The following ATP6V0D2 variants were observed in gnomAD, a reference collection of about 807,000 sequenced individuals.
ATP6V0D2 encodes the protein V-type proton ATPase subunit d 2.
ATP6V0D2 carries 40 observed loss-of-function variants against 40.0 expected under a neutral mutation model. That is an observed-to-expected ratio of 1.00 (90% CI 0.78 to 1.30). ATP6V0D2 has a LOEUF of 1.30. ATP6V0D2 is among the 50% of genes most tolerant of loss of function. ATP6V0D2 has a pLI of 0.00. For missense variants in ATP6V0D2, 470 were observed against 423.1 expected (o/e 1.11, Z -0.97); for synonymous variants, 179 against 156.3 (o/e 1.15, Z -1.08).
intron 2 of ATP6V0D2, among the ~76,000 whole-genome samples, chr8:86,125,636 T>C (rs1818730575): frequency 6.6e-6 from 1 of 152,160 alleles, no homozygotes; most frequent in Non-Finnish European, 1.5e-5. Flanking sequence ...GAGTAAAGAC[T>C]ATACTTCAGA....
In ATP6V0D2 at chr8:86,126,764, G is replaced by C. The variant is rs191396200; in HGVS notation, c.303-12693G>C. On this transcript the variant is annotated intron_variant, in intron 2 of 7. Coordinates refer to ENST00000285393, the MANE Select transcript of ATP6V0D2 (RefSeq NM_152565.1). ...GAATATGGCCTTAAAGGATTGGTAAGGAAGGGAAATTTTATACCTCTGGAG... is the reference window on the plus strand; with the variant it reads ...GAATATGGCCTTAAAGGATTGGTAACGAAGGGAAATTTTATACCTCTGGAG... 3.4e-4 allele frequency among the ~76,000 whole-genome samples: 52 copies of C among 152,212 alleles called. 1 individual carries two copies. Among genetic ancestry groups the C allele is most frequent in the Admixed American group, 2.6e-4 (4 of 15,284 alleles).
At chr8:86,128,106 T>C (rs1818770676) in intron 2 of ATP6V0D2, among the ~76,000 whole-genome samples, 1 of 152,162 alleles carries the variant, frequency 6.6e-6, no homozygotes, top group Admixed American at 6.5e-5. Context: ...CAGTGGCTCA[T>C]GCCTGTAATC....
chr8:86,125,365 T>A (rs754038033), intron 2 of ATP6V0D2, among the ~76,000 whole-genome samples: 5 of 152,182 alleles, frequency 3.3e-5, no homozygotes, highest in African/African-American at 9.6e-5. Context: ...GACTGTCCCA[T>A]AACCTTCATT....
chr8:86,114,260 T>A (rs550585602), intron 2 of ATP6V0D2, among the ~76,000 whole-genome samples: 1 of 152,354 alleles, frequency 6.6e-6, no homozygotes, highest in African/African-American at 2.4e-5. Context: ...TAAGGTCACA[T>A]AAACCACTCC....
intron 5 of ATP6V0D2, among the ~76,000 whole-genome samples, chr8:86,146,810 C>T (rs557816355): frequency 2.0e-5 from 3 of 152,138 alleles, no homozygotes. Context: ...GTCAGCTTTA[C>T]ATAAATACTT....
rs1205956340 is a variant in ATP6V0D2 at position 86,113,882 on chromosome 8, T to G, written c.302+2T>G. Reference sequence around the variant, plus strand: ...CAGCACATTTCTCACCTATATGACGTAAGTGATGACAGAAAGCCCTAATAA... The same window carrying G: ...CAGCACATTTCTCACCTATATGACGGAAGTGATGACAGAAAGCCCTAATAA... On this transcript the variant is annotated splice_donor_variant, in intron 2 of 7. Transcript: ENST00000285393. LOFTEE classifies it high-confidence loss of function. The G allele has an allele frequency of 1.9e-6, 3 of 1,607,566 alleles. No individual in the cohort carries two copies. The highest frequency in any genetic ancestry group is 2.5e-6 in the Non-Finnish European group (3 of 1,176,926).
At chr8:86,123,401 C>T (rs1224352368) in intron 2 of ATP6V0D2, among the ~76,000 whole-genome samples, 5 of 152,070 alleles carry the variant, frequency 3.3e-5, no homozygotes, top group African/African-American at 7.2e-5. Flanking sequence ...ACTCCTGCTT[C>T]GCAAAGTGAG....
Position 86,139,578 on chromosome 8 carries a change from A to G in ATP6V0D2, c.424A>G (p.Asn142Asp), listed in dbSNP as rs753114177. Residue 142 changes from asparagine (N) to aspartate (D), a missense_variant, in exon 3 of 8, where the codon AAC (asparagine) becomes GAC (aspartate). Asn to Asp is a conservative substitution (Grantham distance 23, BLOSUM62 1). Coordinates refer to ENST00000285393, the MANE Select transcript of ATP6V0D2 (RefSeq NM_152565.1). ...CCGTTTCACAGAAATGGAAGCTGTC[A>G]ACATTGCAGAGACACCTTCAGATCT... Reference protein sequence around the residue: ...LGRFTEMEAVNIAETPSDLFN... With the variant: ...LGRFTEMEAVDIAETPSDLFN... The G allele has an allele frequency of 6.2e-7, 1 of 1,613,670 alleles. No homozygotes were observed. The highest frequency in any genetic ancestry group is 1.7e-5 in the Admixed American group (1 of 59,884).
intron 2 of ATP6V0D2, among the ~76,000 whole-genome samples, chr8:86,132,893 G>A (rs927274774): frequency 4.6e-5 from 7 of 151,982 alleles, no homozygotes; most frequent in African/African-American, 1.5e-4. Flanking sequence ...GTTTTTTGAG[G>A]TATCTTCCTA....
intron 2 of ATP6V0D2, among the ~76,000 whole-genome samples, chr8:86,118,085 C>CTTT (rs1222811419): frequency 7.6e-4 from 21 of 27,602 alleles, no homozygotes; most frequent in Non-Finnish European, 8.7e-4. Context: ...TTCTTTCTTT[C>CTTT]TTTTTTTTTT....
intron 2 of ATP6V0D2, among the ~76,000 whole-genome samples, chr8:86,117,961 A>G (rs185735079): frequency 6.6e-6 from 1 of 151,596 alleles, no homozygotes; most frequent in Non-Finnish European, 1.5e-5. Context: ...AAGGAAGTTG[A>G]GCCTTATCAC....
intron 2 of ATP6V0D2, among the ~76,000 whole-genome samples, chr8:86,122,303 C>A (rs1168565917): frequency 6.6e-6 from 1 of 152,114 alleles, no homozygotes; most frequent in Non-Finnish European, 1.5e-5. Flanking sequence ...AGGTTAAAGT[C>A]CTAATTCTCA....
In ATP6V0D2 at chr8:86,152,972, T is replaced by G; in HGVS notation, c.1048T>G (p.Leu350Val). 6.3e-7 allele frequency: 1 copy of G among 1,598,628 alleles called. No individual in the cohort carries two copies. Among genetic ancestry groups the G allele is most frequent in the Non-Finnish European group, 8.5e-7 (1 of 1,174,810 alleles). ...TAAAATCAACAGTTACATTCCAATT[T>G]TATAACCCAAGTAAGGTTCTCAAAT... The part of the protein sequence containing the change: ...RTKINSYIPI[L>V] The change falls in exon 8 of 8, where the codon TTA (leucine) becomes GTA (valine). Residue 350 changes from leucine (L) to valine (V), a missense_variant. By Grantham distance (32) the Leu-to-Val change is conservative. Coordinates refer to ENST00000285393, the MANE Select transcript of ATP6V0D2 (RefSeq NM_152565.1).
At chr8:86,125,620 T>C (rs1818730354) in intron 2 of ATP6V0D2, among the ~76,000 whole-genome samples, 5 of 152,134 alleles carry the variant, frequency 3.3e-5, no homozygotes, top group African/African-American at 1.2e-4. Context: ...AATAAGACGA[T>C]GGATTGAGTA....
At position 86,139,577 on chromosome 8, in the gene ATP6V0D2, C is replaced by T. The variant is rs1366497123; in HGVS notation, c.423C>T (p.Val141=). The T allele has an allele frequency of 6.2e-7, 1 of 1,613,544 alleles. No individual in the cohort carries two copies. The highest frequency in any genetic ancestry group is 8.5e-7 in the Non-Finnish European group (1 of 1,179,832). The change falls in exon 3 of 8, where the codon GTC becomes GTT. Residue 141 remains valine, a synonymous_variant. Coordinates refer to ENST00000285393, the MANE Select transcript of ATP6V0D2 (RefSeq NM_152565.1). ...PLGRFTEMEA[V]NIAETPSDLF... ...GCCGTTTCACAGAAATGGAAGCTGTCAACATTGCAGAGACACCTTCAGATC... is the reference window on the plus strand; with the variant it reads ...GCCGTTTCACAGAAATGGAAGCTGTTAACATTGCAGAGACACCTTCAGATC...
intron 5 of ATP6V0D2, among the ~76,000 whole-genome samples, chr8:86,147,506 A>T (rs1256108911): frequency 6.6e-6 from 1 of 152,202 alleles, no homozygotes; most frequent in African/African-American, 2.4e-5. Context: ...ACACCAGCCC[A>T]TTCAGTCTCC....
chr8:86,145,408 G>A (rs1000827558), intron 5 of ATP6V0D2, among the ~76,000 whole-genome samples: 4 of 151,692 alleles, frequency 2.6e-5, no homozygotes, highest in Non-Finnish European at 5.9e-5. Context: ...GAAAAGAAAA[G>A]AAAAGAAAAG....
At chr8:86,139,373 TA>T in intron 2 of ATP6V0D2, 83 bp from the exon 3 acceptor site, 1 of 1,214,990 alleles carries the variant, frequency 8.2e-7, no homozygotes, top group South Asian at 1.5e-5. Flanking sequence ...AGTGTGTACC[TA>T]AAGAGTGTGT....
intron 2 of ATP6V0D2, among the ~76,000 whole-genome samples, chr8:86,132,686 T>G (rs1030571266): frequency 6.6e-6 from 1 of 152,236 alleles, no homozygotes; most frequent in Non-Finnish European, 1.5e-5. Context: ...AATAGTATTC[T>G]ATTGTGTATC....
Sources: gnomAD v4.1 joint callset for allele counts (sites outside exome capture counted in the v4.1 genomes callset) on GRCh38, gnomAD v4.1.1 for gene constraint, MANE v1.5 for transcripts, NCBI Gene and HGNC (gene_info 2026-07-23, HGNC 2026-07-21) for gene names.